The following IQSEC1 variants were observed in gnomAD, a reference collection of about 807,000 sequenced individuals.
IQSEC1 encodes IQ motif and SEC7 domain-containing protein 1.
In IQSEC1, 31 loss-of-function variants were observed where a neutral mutation model predicts 91.0. That is an observed-to-expected ratio of 0.34 (90% CI 0.26 to 0.46). The LOEUF (loss-of-function observed/expected upper bound fraction) is 0.46, where lower values mean the gene tolerates loss of function less well. Ranked by LOEUF, IQSEC1 falls within the 20% of genes least tolerant of loss-of-function variation. The pLI is 1.00. For synonymous variants in IQSEC1, 699 were observed against 662.6 expected, an observed-to-expected ratio of 1.05 and a Z score of -0.84; for missense variants, 1,388 against 1,575.6, an observed-to-expected ratio of 0.88 and a Z score of 2.02.
At chr3:13,110,110 G>C (rs995587643) in intron 2 of IQSEC1, among the ~76,000 whole-genome samples, 2 of 151,822 alleles carry the variant, frequency 1.3e-5, no homozygotes, top group African/African-American at 4.8e-5. Context: ...TCGAACTCCT[G>C]ACCTCAGGCA....
intron 1 of IQSEC1, among the ~76,000 whole-genome samples, chr3:13,053,994 C>T (rs539314371): frequency 4.6e-5 from 7 of 151,594 alleles, no homozygotes; most frequent in East Asian, 3.9e-4. Context: ...CACAAAAATA[C>T]GCTCCACTCT....
intron 1 of IQSEC1, among the ~76,000 whole-genome samples, chr3:13,037,174 T>C (rs1257545918): frequency 1.3e-5 from 2 of 152,178 alleles, no homozygotes; most frequent in Admixed American, 1.3e-4. Context: ...GTAGAAAGAA[T>C]GTGGGGACAT....
At chr3:12,993,061 TC>T (rs1316834109) in intron 1 of IQSEC1, among the ~76,000 whole-genome samples, 1 of 152,062 alleles carries the variant, frequency 6.6e-6, no homozygotes, top group East Asian at 1.9e-4. Flanking sequence ...GGGACAGGTT[TC>T]CAACAACAGC....
intron 1 of IQSEC1, among the ~76,000 whole-genome samples, chr3:13,260,958 T>C (rs953274474): frequency 6.6e-6 from 1 of 152,046 alleles, no homozygotes; most frequent in African/African-American, 2.4e-5. Flanking sequence ...CTGGTGGAAA[T>C]GAAGGGTTGA....
At chr3:12,952,307 C>T (rs1699602788) in intron 1 of IQSEC1, among the ~76,000 whole-genome samples, 1 of 152,138 alleles carries the variant, frequency 6.6e-6, no homozygotes, top group Non-Finnish European at 1.5e-5. Context: ...CACAGCCTTC[C>T]CATCTCAGCG....
upstream of IQSEC1, among the ~76,000 whole-genome samples, chr3:13,077,849 C>T (rs971527392): frequency 6.6e-6 from 1 of 152,230 alleles, no homozygotes; most frequent in Non-Finnish European, 1.5e-5. Flanking sequence ...GGCCCTATAA[C>T]AGTTGAGCAG....
chr3:13,048,798 C>T (rs1452591788), intron 1 of IQSEC1, among the ~76,000 whole-genome samples: 1 of 152,204 alleles, frequency 6.6e-6, no homozygotes, highest in Non-Finnish European at 1.5e-5. Flanking sequence ...CTGCTCCACA[C>T]GCCATCCCTT....
At chr3:12,938,433 G>A (rs1698428381) in intron 2 of IQSEC1, among the ~76,000 whole-genome samples, 1 of 152,084 alleles carries the variant, frequency 6.6e-6, no homozygotes, top group Admixed American at 6.5e-5. Context: ...GCCTGGCTCT[G>A]GGTGGTCCCA....
At chr3:12,939,398 G>A (rs1323459908) in intron 2 of IQSEC1, among the ~76,000 whole-genome samples, 1 of 152,230 alleles carries the variant, frequency 6.6e-6, no homozygotes, top group Non-Finnish European at 1.5e-5. Flanking sequence ...TCCTGCTTCA[G>A]GGACAGAAAG....
chr3:13,032,618 C>G (rs1703886214), intron 1 of IQSEC1, among the ~76,000 whole-genome samples: 2 of 150,818 alleles, frequency 1.3e-5, no homozygotes, highest in African/African-American at 4.9e-5. Context: ...GAGTCTCGCT[C>G]TGTCGCCCAG....
At chr3:13,041,210 A>G (rs1283866457) in intron 1 of IQSEC1, among the ~76,000 whole-genome samples, 1 of 100,188 alleles carries the variant, frequency 1.0e-5, no homozygotes, top group Non-Finnish European at 2.4e-5. Context: ...CCGCATGAAC[A>G]AGCCTGGGGG....
chr3:13,175,900 T>G (rs1465566900), intron 1 of IQSEC1, among the ~76,000 whole-genome samples: 2 of 152,196 alleles, frequency 1.3e-5, no homozygotes, highest in Non-Finnish European at 2.9e-5. Context: ...GTGACCTAAG[T>G]ACCTCCCCAA....
At chr3:12,917,812 T>C (rs551367017) in intron 6 of IQSEC1, among the ~76,000 whole-genome samples, 12 of 152,334 alleles carry the variant, frequency 7.9e-5, no homozygotes, top group African/African-American at 2.9e-4. Context: ...TATGTGAATA[T>C]CCATTCAAAA....
At chr3:13,066,642 C>T (rs560195777) in intron 1 of IQSEC1, among the ~76,000 whole-genome samples, 1 of 152,336 alleles carries the variant, frequency 6.6e-6, no homozygotes, top group Non-Finnish European at 1.5e-5. Context: ...GGAGAGAGGG[C>T]CTCAGGCCCC....
intron 1 of IQSEC1, among the ~76,000 whole-genome samples, chr3:13,227,497 C>T (rs1559281374): frequency 6.6e-6 from 1 of 151,036 alleles, no homozygotes; most frequent in African/African-American, 2.4e-5. Context: ...AGTGCAGTAA[C>T]ATATGAGGTC....
intron 1 of IQSEC1, among the ~76,000 whole-genome samples, chr3:13,227,643 C>T (rs947443940): frequency 1.3e-4 from 19 of 151,852 alleles, no homozygotes; most frequent in Non-Finnish European, 2.5e-4. Flanking sequence ...GCAGGGGGAC[C>T]GTTCTTAAGG....
chr3:13,054,253 T>G (rs1394348703), intron 1 of IQSEC1, among the ~76,000 whole-genome samples: 1 of 152,196 alleles, frequency 6.6e-6, no homozygotes, highest in Non-Finnish European at 1.5e-5. Flanking sequence ...ACAGGAGGGA[T>G]GTTTTTTGGG....
intron 1 of IQSEC1, among the ~76,000 whole-genome samples, chr3:13,170,521 C>T (rs1378674213): frequency 5.3e-5 from 8 of 152,208 alleles, no homozygotes; most frequent in Admixed American, 5.2e-4. Flanking sequence ...TCTGGAAAAG[C>T]TGCAGACACT....
In IQSEC1 at chr3:12,967,763, CGAGCT is replaced by C; in HGVS notation, c.24-25903_24-25899del. ...GCAGGGCGGGGGCGGGGCCGGAGGGCGAGCTGGGGGCGGGGCCGGAGGGCGAGCTG... is the reference window on the plus strand; with the variant it reads ...GCAGGGCGGGGGCGGGGCCGGAGGGCGGGGGCGGGGCCGGAGGGCGAGCTG... On this transcript the variant is annotated intron_variant, in intron 1 of 13. Transcript: ENST00000613206. The surrounding 1 kb of genome is among the most constrained non-coding windows in gnomAD (Gnocchi z 5.9). 1 of 952,958 alleles carries C rather than the reference CGAGCT, an allele frequency of 1.0e-6. No individual in the cohort carries two copies. Among genetic ancestry groups the C allele is most frequent in the Non-Finnish European group, 1.3e-6 (1 of 791,110 alleles). 59.0% of individuals were successfully genotyped at this position (952,958 alleles called of 1,614,324 possible). A position where few individuals can be genotyped will look rare whatever the true frequency, so the allele number is the denominator to read the frequency against.
Sources: allele counts gnomAD v4.1 joint callset (sites outside exome capture counted in the v4.1 genomes callset), GRCh38; gene constraint gnomAD v4.1.1; non-coding constraint Gnocchi (gnomAD v3.1); transcripts MANE v1.5; gene names NCBI Gene and HGNC (gene_info 2026-07-23, HGNC 2026-07-21).